The following KDM5A variants were observed in gnomAD, a reference collection of about 807,000 sequenced individuals.
KDM5A encodes lysine demethylase 5A, also known as lysine-specific demethylase 5A.
KDM5A carries 42 observed loss-of-function variants against 193.5 expected under a neutral mutation model. The observed-to-expected ratio is 0.22, with a 90% CI of 0.17 to 0.28. The LOEUF is 0.28. KDM5A is among the 10% of genes least tolerant of loss of function. The pLI, the probability that KDM5A is intolerant of heterozygous loss-of-function variation, is 1.00. For synonymous variants in KDM5A, 796 were observed against 718.1 expected, an observed-to-expected ratio of 1.11 and a Z score of -1.73; for missense variants, 1,692 against 2,055.1, an observed-to-expected ratio of 0.82 and a Z score of 3.42.
At position 323,745 on chromosome 12, in the gene KDM5A, C is replaced by T. The variant is rs757217718; in HGVS notation, c.2005G>A (p.Val669Ile). The T allele has an allele frequency of 1.5e-5, 24 of 1,614,022 alleles. No individual in the cohort carries two copies. The highest frequency in any genetic ancestry group is 2.7e-5 in the African/African-American group (2 of 75,024). The change falls in exon 15 of 28, where the codon GTT becomes ATT. Residue 669 changes from valine to isoleucine, a missense_variant. This residue lies in a region of KDM5A where 88 missense variants were observed against 124.6 expected (regional missense o/e 0.71). Coordinates refer to ENST00000399788, the MANE Select transcript of KDM5A (RefSeq NM_001042603.3). ...LMSEEEVFEL[V>I]PDDERQCSAC... is the part of the protein sequence containing the mutation. The stretch of plus-strand genomic sequence containing the variant: ...GAACACTGCCGCTCATCATCAGGAA[C>T]AAGTTCAAACACTTCTTCTTCTGAC...
At chr12:331,768 A>G in intron 13 of KDM5A, 51 bp downstream of exon 13, 2 of 1,610,566 alleles carry the variant, frequency 1.2e-6, no homozygotes, top group Non-Finnish European at 1.7e-6. Context: ...GCTGCTTTAT[A>G]TTTATAGGGG....
chr12:333,324 C>A, intron 12 of KDM5A, 163 bp downstream of exon 12: 1 of 722,648 alleles, frequency 1.4e-6, no homozygotes, highest in Non-Finnish European at 2.4e-6. Flanking sequence ...TAGGCTGAGG[C>A]AGGAGAACTG....
intron 24 of KDM5A, among the ~76,000 whole-genome samples, chr12:306,360 G>A (rs187327748): frequency 1.2e-4 from 18 of 152,214 alleles, no homozygotes; most frequent in Non-Finnish European, 2.2e-4. Context: ...GGCCAAGAAA[G>A]CTTTACATAT....
At chr12:335,968 G>T (rs1247661588) in intron 10 of KDM5A, among the ~76,000 whole-genome samples, 1 of 150,184 alleles carries the variant, frequency 6.7e-6, no homozygotes, top group Non-Finnish European at 1.5e-5. Context: ...ACTTGAACCC[G>T]GGAGGCAGAG....
At chr12:293,600 G>A (rs557155327) in intron 26 of KDM5A, among the ~76,000 whole-genome samples, 2 of 152,128 alleles carry the variant, frequency 1.3e-5, no homozygotes, top group Non-Finnish European at 2.9e-5. Context: ...CCAACATGAC[G>A]AAACCCCGAC....
intron 24 of KDM5A, among the ~76,000 whole-genome samples, chr12:300,923 A>G (rs1039568307): frequency 5.9e-5 from 9 of 152,226 alleles, no homozygotes; most frequent in Non-Finnish European, 1.3e-4. Context: ...TAAACTAGAA[A>G]ATCTAGAAGA....
chr12:363,563 T>C (rs765572372), intron 4 of KDM5A, among the ~76,000 whole-genome samples: 1 of 152,150 alleles, frequency 6.6e-6, no homozygotes, highest in Admixed American at 6.6e-5. Context: ...TCAATATTCA[T>C]ATACCCCCTT....
rs114111659 is a variant in KDM5A, at chr12:379,056, G to A, written c.366+4975C>T. Among the ~76,000 whole-genome samples the A allele has an allele frequency of 7.5e-3, 1,132 of 151,462 alleles. 9 individuals carry two copies. Among genetic ancestry groups the A allele is most frequent in the African/African-American group, 0.025 (1,045 of 41,264 alleles). ...TATTATCAAAAATAATAGGGAGAAA[G>A]ATGAAGTGATTTAATCAAAACAGGA... On this transcript the variant is annotated intron_variant, in intron 3 of 27. Transcript: ENST00000399788.
At chr12:375,481 C>A (rs1374648223) in intron 3 of KDM5A, among the ~76,000 whole-genome samples, 1 of 152,170 alleles carries the variant, frequency 6.6e-6, no homozygotes, top group East Asian at 1.9e-4. Flanking sequence ...TTTGTCTAAT[C>A]TTTTTACAAG....
intron 4 of KDM5A, 57 bp from the exon 5 acceptor site, chr12:363,154 G>T (rs1186006097): frequency 6.2e-7 from 1 of 1,604,754 alleles, no homozygotes; most frequent in African/African-American, 1.3e-5. Context: ...TCATGCTGGA[G>T]AATCAGTGTA....
intron 4 of KDM5A, among the ~76,000 whole-genome samples, chr12:364,439 T>C (rs1944327972): frequency 6.7e-6 from 1 of 149,566 alleles, no homozygotes; most frequent in Non-Finnish European, 1.5e-5. Context: ...TTCACGCCAC[T>C]GCACTCCAGC....
chr12:321,643 A>G (rs1373575831), intron 17 of KDM5A, among the ~76,000 whole-genome samples: 1 of 152,274 alleles, frequency 6.6e-6, no homozygotes, highest in Non-Finnish European at 1.5e-5. Context: ...TAAAAACCCA[A>G]TGTGAACTGC....
At chr12:342,981 C>T (rs1014387434) in intron 10 of KDM5A, among the ~76,000 whole-genome samples, 6 of 152,164 alleles carry the variant, frequency 3.9e-5, no homozygotes, top group Admixed American at 3.9e-4. Flanking sequence ...CATCACCTCA[C>T]CCTGGAAGAA....
chr12:317,679 C>T (rs768277884), intron 19 of KDM5A, among the ~76,000 whole-genome samples: 1 of 152,208 alleles, frequency 6.6e-6, no homozygotes, highest in Admixed American at 6.5e-5. Context: ...AACCAGTTGT[C>T]GGAGCCAGAC....
intron 3 of KDM5A, among the ~76,000 whole-genome samples, chr12:373,456 C>A (rs1035323809): frequency 2.0e-5 from 3 of 151,972 alleles, no homozygotes; most frequent in African/African-American, 7.2e-5. Flanking sequence ...TTTTTTATTG[C>A]GTCTATTTGA....
intron 14 of KDM5A, among the ~76,000 whole-genome samples, chr12:328,487 A>C (rs1275461682): frequency 3.9e-5 from 6 of 152,196 alleles, no homozygotes; most frequent in Non-Finnish European, 7.3e-5. Context: ...TCAAACTGAC[A>C]GTCTGTAATT....
At chr12:384,189 A>G (rs1944611897) in intron 2 of KDM5A, 36 bp from the exon 3 acceptor site, 1 of 1,477,732 alleles carries the variant, frequency 6.8e-7, no homozygotes, top group Non-Finnish European at 9.5e-7. Flanking sequence ...CTAAGTTATG[A>G]TTGAAATGAA....
In KDM5A at chr12:282,104, C is replaced by G. The variant is rs1477035871; in HGVS notation, c.*3352G>C. Reference sequence around the variant, plus strand: ...TGCTAACCTTACAGCTCAGCCTGCACAGAAGCACAGAAGCAAAGCCCAGGC... The same window carrying G: ...TGCTAACCTTACAGCTCAGCCTGCAGAGAAGCACAGAAGCAAAGCCCAGGC... On this transcript the variant is annotated 3_prime_UTR_variant, in exon 28 of 28. Coordinates refer to ENST00000399788, the MANE Select transcript of KDM5A (RefSeq NM_001042603.3). 3.3e-6 allele frequency: 1 copy of G among 305,102 alleles called. No homozygotes were observed. Among genetic ancestry groups the G allele is most frequent in the Non-Finnish European group, 6.3e-6 (1 of 158,172 alleles). 18.9% of individuals were successfully genotyped at this position (305,102 alleles called of 1,614,324 possible).
Position 374,844 on chromosome 12 carries a change from G to A in KDM5A, c.367-8740C>T, listed in dbSNP as rs553439378. On this transcript the variant is annotated intron_variant, in intron 3 of 27. Transcript: ENST00000399788. ...TCCTTCACTTATGAAGCTTAGTTTG[G>A]CTGGATATGAAATTATGGGTTGAAA... 3.0e-4 allele frequency among the ~76,000 whole-genome samples: 45 copies of A among 152,184 alleles called. 1 individual carries two copies. Among genetic ancestry groups the A allele is most frequent in the African/African-American group, 9.6e-4 (40 of 41,470 alleles).
Sources: gnomAD v4.1 joint callset for allele counts (sites outside exome capture counted in the v4.1 genomes callset) on GRCh38, gnomAD v4.1.1 for gene constraint, gnomAD v4.1.1 regional missense constraint, MANE v1.5 for transcripts, NCBI Gene and HGNC (gene_info 2026-07-23, HGNC 2026-07-21) for gene names.